The following GRID2 variants were observed in gnomAD, a reference collection of about 807,000 sequenced individuals.
GRID2 encodes glutamate ionotropic receptor delta type subunit 2, also known as glutamate receptor ionotropic, delta-2.
In GRID2, 33 loss-of-function variants were observed where a neutral mutation model predicts 114.8. The ratio of observed to expected loss-of-function variants is 0.29; its 90% CI spans 0.22 to 0.38. The LOEUF (loss-of-function observed/expected upper bound fraction) is 0.38, where lower values mean the gene tolerates loss of function less well. Among genes scored for constraint, GRID2 ranks in the 10% least tolerant of loss-of-function variants. GRID2 has a pLI of 1.00. For synonymous variants in GRID2, 505 were observed against 449.9 expected (o/e 1.12, Z -1.55); for missense variants, 1,184 against 1,257.7 (o/e 0.94, Z 0.89).
intron 2 of GRID2, among the ~76,000 whole-genome samples, chr4:92,837,299 C>A (rs966639639): frequency 6.6e-6 from 1 of 151,904 alleles, no homozygotes; most frequent in South Asian, 2.1e-4. Flanking sequence ...GAAAGGAACT[C>A]AAACAAATAC....
chr4:92,442,322 A>G (rs1195327268), intron 1 of GRID2, among the ~76,000 whole-genome samples: 1 of 151,982 alleles, frequency 6.6e-6, no homozygotes, highest in Admixed American at 6.6e-5. Flanking sequence ...TGAGTTGAAC[A>G]GTCCGATTTT....
intron 4 of GRID2, among the ~76,000 whole-genome samples, chr4:93,149,501 G>A (rs1002528475): frequency 3.3e-5 from 5 of 151,636 alleles, no homozygotes; most frequent in African/African-American, 9.7e-5. Context: ...GCTTGAATAC[G>A]GGATGCAGAG....
intron 11 of GRID2, among the ~76,000 whole-genome samples, chr4:93,466,453 T>C (rs1724279498): frequency 6.6e-6 from 1 of 152,180 alleles, no homozygotes; most frequent in Non-Finnish European, 1.5e-5. Flanking sequence ...GGCTACCCTA[T>C]GGGCAAAGAG....
At chr4:93,081,481 A>C (rs979099894) in intron 2 of GRID2, among the ~76,000 whole-genome samples, 2 of 152,188 alleles carry the variant, frequency 1.3e-5, no homozygotes, top group Non-Finnish European at 2.9e-5. Context: ...GAGTGACCAC[A>C]AAGGGCAAAA....
intron 10 of GRID2, among the ~76,000 whole-genome samples, chr4:93,436,798 C>A (rs140424926): frequency 4.0e-4 from 61 of 152,066 alleles, no homozygotes; most frequent in African/African-American, 1.4e-3. Context: ...AATACTAAGA[C>A]CCCACTGGAT....
chr4:93,290,941 G>C (rs1163452191), intron 8 of GRID2, among the ~76,000 whole-genome samples: 4 of 140,344 alleles, frequency 2.9e-5, no homozygotes, highest in Admixed American at 2.4e-4. Flanking sequence ...GCAGTGGCGC[G>C]ATCTCCGCTC....
intron 8 of GRID2, among the ~76,000 whole-genome samples, chr4:93,295,791 G>A (rs1754240707): frequency 6.6e-6 from 1 of 152,088 alleles, no homozygotes; most frequent in African/African-American, 2.4e-5. Context: ...ACTGAGATTG[G>A]CATTTTATTG....
intron 10 of GRID2, among the ~76,000 whole-genome samples, chr4:93,452,050 G>C (rs1210451320): frequency 6.7e-6 from 1 of 150,146 alleles, no homozygotes; most frequent in African/African-American, 2.5e-5. Context: ...TGTGTAGATG[G>C]GGACAATAGC....
chr4:92,580,481 A>T lies in GRID2; in HGVS notation c.89-9650A>T, dbSNP rs949360384. Among the ~76,000 whole-genome samples, 10 of 152,106 alleles carry T rather than the reference A, an allele frequency of 6.6e-5. No homozygotes were observed. The South Asian group carries it at 1.0e-3, about 16-fold the overall frequency. ...AAAACAGTAGTTTACAGAAGTTTTA[A>T]AATGCTCAATTACAAGAAACTTATT... is the stretch of plus-strand genomic sequence containing the variant. On this transcript the variant is annotated intron_variant, in intron 1 of 15. Coordinates refer to ENST00000282020, the MANE Select transcript of GRID2 (RefSeq NM_001510.4).
At chr4:92,784,290 T>A (rs1476064078) in intron 2 of GRID2, among the ~76,000 whole-genome samples, 2 of 152,004 alleles carry the variant, frequency 1.3e-5, no homozygotes, top group African/African-American at 2.4e-5. Flanking sequence ...TTTTAATGCA[T>A]GTCCATTTTT....
At chr4:93,349,761 T>C (rs1166602896) in intron 8 of GRID2, among the ~76,000 whole-genome samples, 5 of 152,060 alleles carry the variant, frequency 3.3e-5, no homozygotes, top group Admixed American at 2.6e-4. Context: ...GTGCAGTTCT[T>C]TTTTATTTAA....
At position 92,657,141 on chromosome 4, in the gene GRID2, A is replaced by G. The variant is rs138551455; in HGVS notation, c.244+66855A>G. Among the ~76,000 whole-genome samples the G allele has an allele frequency of 7.0e-4, 106 of 151,476 alleles. 4 individuals carry two copies. The East Asian group carries it at 0.021, about 29-fold the overall frequency. ...TTAAGATATATATTTTGGGGAAGAA[A>G]GAGTGATTATTCAGGGGCATTTGAA... is the stretch of plus-strand genomic sequence containing the variant. On this transcript the variant is annotated intron_variant, in intron 2 of 15. Transcript: ENST00000282020.
At chr4:93,301,195 A>G (rs1351601455) in intron 8 of GRID2, among the ~76,000 whole-genome samples, 4 of 152,212 alleles carry the variant, frequency 2.6e-5, no homozygotes, top group African/African-American at 9.6e-5. Flanking sequence ...TAGGAAACAA[A>G]CGTTATCATT....
At chr4:92,638,942 T>G (rs116774005) in intron 2 of GRID2, among the ~76,000 whole-genome samples, 1 of 151,260 alleles carries the variant, frequency 6.6e-6, no homozygotes, top group African/African-American at 2.4e-5. Flanking sequence ...AATATAACTT[T>G]ATCATTAAAT....
chr4:93,200,539 C>T (rs1579271622), intron 4 of GRID2, among the ~76,000 whole-genome samples: 1 of 150,960 alleles, frequency 6.6e-6, no homozygotes, highest in South Asian at 2.1e-4. Context: ...GCACTCCAGC[C>T]TGGGCGACAG....
chr4:92,729,121 T>G (rs529201227), intron 2 of GRID2, among the ~76,000 whole-genome samples: 4 of 152,138 alleles, frequency 2.6e-5, no homozygotes, highest in Non-Finnish European at 5.9e-5. Flanking sequence ...GTTATTCAAA[T>G]TCAGTAAAAA....
rs377272069 is a variant in GRID2, at chr4:92,767,448, A to G, written c.244+177162A>G. On this transcript the variant is annotated intron_variant, in intron 2 of 15. Coordinates refer to ENST00000282020, the MANE Select transcript of GRID2 (RefSeq NM_001510.4). ...AGATTTTTACTTTGATAATCCATAA[A>G]CATGATGTATAATAGTAATGATACT... is the stretch of plus-strand genomic sequence containing the variant. Among the ~76,000 whole-genome samples, 168 of 152,256 alleles carry G rather than the reference A, an allele frequency of 1.1e-3. 4 individuals carry two copies. In the South Asian group the frequency reaches 0.032, roughly 29 times the overall value.
intron 1 of GRID2, among the ~76,000 whole-genome samples, chr4:92,350,689 A>C (rs1168078193): frequency 6.6e-6 from 1 of 151,824 alleles, no homozygotes; most frequent in South Asian, 2.1e-4. Flanking sequence ...TATAATTTAC[A>C]TACCATGTAA....
At position 93,068,302 on chromosome 4, in the gene GRID2, A is replaced by G. The variant is rs192430163; in HGVS notation, c.245-16693A>G. Among the ~76,000 whole-genome samples the G allele has an allele frequency of 9.9e-4, 151 of 152,196 alleles. 2 individuals are homozygous for G. Among genetic ancestry groups the G allele is most frequent in the Admixed American group, 3.9e-3 (59 of 15,236 alleles). On this transcript the variant is annotated intron_variant, in intron 2 of 15. Transcript: ENST00000282020. Reference sequence around the variant, plus strand: ...AACCTTACGAGGCAAGCAGAGTACAATGGTCACTGTGTACAAGTATGTGTA... The same window carrying G: ...AACCTTACGAGGCAAGCAGAGTACAGTGGTCACTGTGTACAAGTATGTGTA...
Sources: allele counts gnomAD v4.1 joint callset (sites outside exome capture counted in the v4.1 genomes callset), GRCh38; gene constraint gnomAD v4.1.1; transcripts MANE v1.5; gene names NCBI Gene and HGNC (gene_info 2026-07-23, HGNC 2026-07-21).